Variants in MTA3 observed in about 807,000 individuals in gnomAD.
MTA3 encodes metastasis associated 1 family member 3.
A neutral mutation model predicts 83.5 loss-of-function variants in MTA3; 34 were observed. The observed-to-expected ratio is 0.41, with a 90% CI of 0.31 to 0.54. The LOEUF (loss-of-function observed/expected upper bound fraction) is 0.54. Ranked by LOEUF, MTA3 falls within the 20% of genes least tolerant of loss-of-function variation. The pLI, the probability that MTA3 is intolerant of heterozygous loss-of-function variation, is 0.33. For synonymous variants in MTA3, 303 were observed against 252.7 expected, an observed-to-expected ratio of 1.20 and a Z score of -1.89; for missense variants, 761 against 726.4, an observed-to-expected ratio of 1.05 and a Z score of -0.55.
upstream of MTA3, among the ~76,000 whole-genome samples, chr2:42,566,330 A>T (rs1677910289): frequency 6.6e-6 from 1 of 152,316 alleles, no homozygotes; most frequent in Middle Eastern, 3.4e-3. Context: ...GACATATAAA[A>T]GTTTCACAAA....
chr2:42,752,408 C>T (rs1392730300), intron 16 of MTA3: 2 of 375,106 alleles, frequency 5.3e-6, no homozygotes, highest in African/African-American at 2.1e-5. Context: ...CCACTTCCCT[C>T]CTAGCCACTT....
chr2:42,522,122 C>T (rs1338367403), intron 2 of MTA3, among the ~76,000 whole-genome samples: 2 of 152,146 alleles, frequency 1.3e-5, no homozygotes, highest in Non-Finnish European at 2.9e-5. Context: ...ACATAATTTC[C>T]TAACCTTTCC....
intron 14 of MTA3, among the ~76,000 whole-genome samples, chr2:42,713,180 A>G (rs916871686): frequency 6.6e-6 from 1 of 152,254 alleles, no homozygotes; most frequent in Non-Finnish European, 1.5e-5. Flanking sequence ...GTTTGGGCTG[A>G]TAACATACCA....
At chr2:42,654,939 G>T (rs140016423) in intron 6 of MTA3, among the ~76,000 whole-genome samples, 1 of 152,054 alleles carries the variant, frequency 6.6e-6, no homozygotes, top group African/African-American at 2.4e-5. Context: ...TAATGCCAAC[G>T]CTGTGAGTAC....
chr2:42,685,097 A>G (rs1180338988), intron 9 of MTA3, among the ~76,000 whole-genome samples: 2 of 152,208 alleles, frequency 1.3e-5, no homozygotes, highest in Non-Finnish European at 2.9e-5. Context: ...ACTCCTAGGC[A>G]CTTAACACAG....
chr2:42,566,017 AT>A (rs1449772446), upstream of MTA3, among the ~76,000 whole-genome samples: 1 of 151,672 alleles, frequency 6.6e-6, no homozygotes, highest in African/African-American at 2.4e-5. Context: ...CTCAAAAAAA[AT>A]TTTTTTTTCT....
At chr2:42,674,105 T>C (rs1691101991) in intron 8 of MTA3, among the ~76,000 whole-genome samples, 1 of 152,216 alleles carries the variant, frequency 6.6e-6, no homozygotes, top group African/African-American at 2.4e-5. Context: ...TCATCCTCCA[T>C]GGACAAAACT....
Position 42,659,749 on chromosome 2 carries a change from T to C in MTA3, c.603-14T>C, listed in dbSNP as rs549351413. 1 of 1,523,436 alleles carries C rather than the reference T, an allele frequency of 6.6e-7. No homozygotes were observed. The highest frequency in any genetic ancestry group is 2.1e-5 in the Admixed American group (1 of 47,266). 94.4% of individuals were successfully genotyped at this position (1,523,436 alleles called of 1,614,324 possible). A position where few individuals can be genotyped will look rare whatever the true frequency, so the allele number is the denominator to read the frequency against. ...ATACTTAATTCTTCCTTATTGTGTT[T>C]GTGGTTTATTCAGTGCTGTTGGGAC... On this transcript the variant is annotated splice_polypyrimidine_tract_variant and intron_variant, in intron 7 of 16. Transcript: ENST00000405094.
At chr2:42,697,932 G>A in intron 11 of MTA3, 98 bp downstream of exon 11, 1 of 804,456 alleles carries the variant, frequency 1.2e-6, no homozygotes, top group Non-Finnish European at 1.9e-6. Context: ...TTGAACTTTT[G>A]TGTATCTTTC....
chr2:42,713,770 T>C (rs1057429654), intron 14 of MTA3, among the ~76,000 whole-genome samples: 3 of 152,238 alleles, frequency 2.0e-5, no homozygotes, highest in Non-Finnish European at 4.4e-5. Flanking sequence ...CTCCTTTTTG[T>C]GTCAGCTGCA....
At chr2:42,696,546 A>G (rs918312034) in intron 10 of MTA3, among the ~76,000 whole-genome samples, 2 of 149,120 alleles carry the variant, frequency 1.3e-5, no homozygotes, top group African/African-American at 5.2e-5. Flanking sequence ...TATTTTTCCT[A>G]TATATGTAGG....
intron 2 of MTA3, among the ~76,000 whole-genome samples, chr2:42,517,879 A>AG (rs1558409219): frequency 1.3e-5 from 2 of 151,082 alleles, no homozygotes; most frequent in Non-Finnish European, 1.5e-5. Flanking sequence ...AAAAAAAAAA[A>AG]AAGAAGAAAA....
At position 42,621,958 on chromosome 2, in the gene MTA3, C is replaced by T. The variant is rs531176990; in HGVS notation, c.317+12374C>T. Among the ~76,000 whole-genome samples the T allele has an allele frequency of 8.4e-4, 124 of 148,462 alleles. 2 individuals are homozygous for T. Among genetic ancestry groups the T allele is most frequent in the African/African-American group, 2.9e-3 (115 of 39,828 alleles). On this transcript the variant is annotated intron_variant, in intron 4 of 16. Coordinates refer to ENST00000405094, the MANE Select transcript of MTA3 (RefSeq NM_001330442.2). ...GCAGAGGGGCTCCTCACATCCCAGA[C>T]GATGGGCGGCCAGGCAGAGACGCTC...
intron 15 of MTA3, among the ~76,000 whole-genome samples, chr2:42,722,636 T>C (rs975292774): frequency 6.6e-6 from 1 of 152,158 alleles, no homozygotes; most frequent in Non-Finnish European, 1.5e-5. Flanking sequence ...AAGTGGCTTT[T>C]TGTTTTGTTT....
intron 4 of MTA3, among the ~76,000 whole-genome samples, chr2:42,625,638 T>C (rs1471228998): frequency 6.8e-6 from 1 of 146,596 alleles, no homozygotes; most frequent in African/African-American, 2.6e-5. Context: ...TCCCAGCTAC[T>C]AAGGAGGCTG....
At chr2:42,630,625 A>G (rs1686583730) in intron 4 of MTA3, among the ~76,000 whole-genome samples, 1 of 152,052 alleles carries the variant, frequency 6.6e-6, no homozygotes, top group African/African-American at 2.4e-5. Context: ...GCTGTGTTGT[A>G]TATCTAATTT....
Position 42,568,755 on chromosome 2 carries a change from A to G in MTA3, c.10A>G (p.Asn4Asp). The change falls in exon 1 of 17, where the codon AAC (asparagine) becomes GAC (aspartate). Residue 4 changes from asparagine (N) to aspartate (D), a missense_variant. By Grantham distance (23) the Asn-to-Asp change is conservative. Transcript: ENST00000405094. Reference sequence around the variant, plus strand: ...GGGCGGGCGGGCGGACATGGCGGCCAACATGTACCGGGTCGGAGGTAGGCA... The same window carrying G: ...GGGCGGGCGGGCGGACATGGCGGCCGACATGTACCGGGTCGGAGGTAGGCA... Reference protein sequence around the residue: MAANMYRVGDYVYF... With the variant: MAADMYRVGDYVYF... 8.2e-7 allele frequency: 1 copy of G among 1,219,274 alleles called. No individual in the cohort carries two copies. The highest frequency in any genetic ancestry group is 1.0e-6 in the Non-Finnish European group (1 of 981,010). 75.5% of individuals were successfully genotyped at this position (1,219,274 alleles called of 1,614,324 possible).
intron 4 of MTA3, among the ~76,000 whole-genome samples, chr2:42,625,414 C>T (rs1373976785): frequency 1.3e-5 from 2 of 151,326 alleles, no homozygotes; most frequent in African/African-American, 2.4e-5. Context: ...TTTTCTAGCA[C>T]GTCTAGTGAT....
chr2:42,500,026 T>C (rs1674326331), intron 2 of MTA3, among the ~76,000 whole-genome samples: 1 of 151,134 alleles, frequency 6.6e-6, no homozygotes, highest in Non-Finnish European at 1.5e-5. Flanking sequence ...CCCAGCACTT[T>C]GGGAGGCAGA....
Sources: gnomAD v4.1 joint callset for allele counts (sites outside exome capture counted in the v4.1 genomes callset) on GRCh38, gnomAD v4.1.1 for gene constraint, MANE v1.5 for transcripts, NCBI Gene and HGNC (gene_info 2026-07-23, HGNC 2026-07-21) for gene names.